Variants in COL22A1 observed in about 807,000 individuals in gnomAD.
COL22A1 encodes the protein collagen type XXII alpha 1 chain.
COL22A1 carries 221 observed loss-of-function variants against 248.9 expected under a neutral mutation model. The observed-to-expected ratio is 0.89, with a 90% CI of 0.80 to 0.99. COL22A1 has a LOEUF of 0.99. Ranked by LOEUF, COL22A1 falls within the 50% of genes least tolerant of loss-of-function variation. The pLI, the probability that COL22A1 is intolerant of heterozygous loss-of-function variation, is 0.00. For missense variants in COL22A1, 2,240 were observed against 2,179.0 expected, an observed-to-expected ratio of 1.03 and a Z score of -0.56; for synonymous variants, 891 against 793.4, an observed-to-expected ratio of 1.12 and a Z score of -2.07.
intron 42 of COL22A1, among the ~76,000 whole-genome samples, chr8:138,662,333 T>C (rs1175821460): frequency 6.6e-6 from 1 of 152,016 alleles, no homozygotes; most frequent in Non-Finnish European, 1.5e-5. Context: ...TTGGACCCCA[T>C]TTGTATAGTT....
In COL22A1 at chr8:138,827,094, C is replaced by G. The variant is rs1819648565; in HGVS notation, c.846-313G>C. ...CCACAGTAAACGCTAAATGGTCACG[C>G]CCCCGGGATCAAATATGGAGAGACA... On this transcript the variant is annotated intron_variant, in intron 5 of 64. Transcript: ENST00000303045. 1.5e-5 allele frequency: 5 copies of G among 335,626 alleles called. No individual in the cohort carries two copies. The Admixed American group carries it at 1.5e-4, about 10-fold the overall frequency. 20.8% of individuals were successfully genotyped at this position (335,626 alleles called of 1,614,324 possible). A position where few individuals can be genotyped will look rare whatever the true frequency, so the allele number is the denominator to read the frequency against.
intron 30 of COL22A1, among the ~76,000 whole-genome samples, chr8:138,708,306 CA>C (rs1387294116): frequency 6.6e-6 from 1 of 152,040 alleles, no homozygotes; most frequent in African/African-American, 2.4e-5. Flanking sequence ...CATAGGGAAC[CA>C]AAAAAGAGCC....
chr8:138,842,192 G>A (rs1250005769), intron 4 of COL22A1, among the ~76,000 whole-genome samples: 1 of 152,182 alleles, frequency 6.6e-6, no homozygotes, highest in Non-Finnish European at 1.5e-5. Context: ...ACTGTAAAAT[G>A]TACAACAGTG....
chr8:138,695,490 C>T (rs1007491038), intron 32 of COL22A1, among the ~76,000 whole-genome samples: 9 of 152,108 alleles, frequency 5.9e-5, no homozygotes, highest in African/African-American at 1.7e-4. Context: ...TCCTCACCAT[C>T]GTGCCTGGCT....
At chr8:138,807,367 A>G (rs1817817258) in intron 10 of COL22A1, among the ~76,000 whole-genome samples, 2 of 152,182 alleles carry the variant, frequency 1.3e-5, no homozygotes, top group Admixed American at 1.3e-4. Context: ...GCAATTAGTG[A>G]ATTTGGAAAT....
chr8:138,615,026 C>T (rs1459985225), intron 55 of COL22A1, among the ~76,000 whole-genome samples: 4 of 152,166 alleles, frequency 2.6e-5, no homozygotes, highest in Admixed American at 6.5e-5. Context: ...TCTGACCAAT[C>T]GGCCAGTTCC....
At chr8:138,895,249 G>A (rs1040758733) in intron 1 of COL22A1, among the ~76,000 whole-genome samples, 1 of 152,010 alleles carries the variant, frequency 6.6e-6, no homozygotes, top group East Asian at 1.9e-4. Context: ...GGCCAGTGTC[G>A]AGGATACAAC....
chr8:138,687,718 C>A (rs1826474153), intron 37 of COL22A1, among the ~76,000 whole-genome samples: 1 of 152,214 alleles, frequency 6.6e-6, no homozygotes, highest in Admixed American at 6.5e-5. Context: ...AATGCGGCAT[C>A]ACCCTCATTT....
intron 12 of COL22A1, among the ~76,000 whole-genome samples, chr8:138,788,505 CA>C (rs1341684504): frequency 6.6e-5 from 10 of 152,134 alleles, no homozygotes; most frequent in African/African-American, 2.4e-4. Context: ...GAGGTACTAT[CA>C]TGATTCTTTG....
At chr8:138,639,781 A>G (rs965577538) in intron 47 of COL22A1, among the ~76,000 whole-genome samples, 12 of 152,264 alleles carry the variant, frequency 7.9e-5, no homozygotes, top group Admixed American at 2.6e-4. Context: ...AAATAGAATC[A>G]GCAAAGAGAT....
chr8:138,614,705 T>C (rs1819173726), intron 55 of COL22A1, among the ~76,000 whole-genome samples: 1 of 152,102 alleles, frequency 6.6e-6, no homozygotes, highest in East Asian at 1.9e-4. Context: ...GCCCTTCAGC[T>C]TCTGAGAAGC....
intron 19 of COL22A1, 88 bp downstream of exon 19, chr8:138,755,697 C>G (rs898138565): frequency 3.1e-5 from 44 of 1,425,238 alleles, no homozygotes; most frequent in Non-Finnish European, 6.9e-6. Context: ...CTTGGAAGAG[C>G]GTTGCCTTAT....
At chr8:138,846,072 T>C (rs1361128431) in intron 3 of COL22A1, among the ~76,000 whole-genome samples, 1 of 152,170 alleles carries the variant, frequency 6.6e-6, no homozygotes, top group African/African-American at 2.4e-5. Flanking sequence ...CCACCAGGTC[T>C]GACAAGCATC....
chr8:138,643,655 T>TAGATAGATAGATAGATAGAC (rs1821932352), intron 47 of COL22A1, among the ~76,000 whole-genome samples: 1 of 109,676 alleles, frequency 9.1e-6, no homozygotes, highest in African/African-American at 3.0e-5. Flanking sequence ...GATAGACAGA[T>TAGATAGATAGATAGATAGAC]AGATAGATAG....
In COL22A1 at chr8:138,760,229, C is replaced by A; in HGVS notation, c.1902+14G>T. ...CCAGGGCACAGAGCCCTTGACAGCC[C>A]CAGGCTCGCTCACCTTTTCTCCCTG... On this transcript the variant is annotated intron_variant, in intron 18 of 64. Transcript: ENST00000303045. 6.4e-7 allele frequency: 1 copy of A among 1,564,704 alleles called. No individual in the cohort carries two copies. Among genetic ancestry groups the A allele is most frequent in the East Asian group, 2.4e-5 (1 of 41,912 alleles).
At chr8:138,656,632 G>T (rs1197703803) in intron 44 of COL22A1, among the ~76,000 whole-genome samples, 1 of 152,072 alleles carries the variant, frequency 6.6e-6, no homozygotes, top group South Asian at 2.1e-4. Flanking sequence ...GAAAATATTT[G>T]GGTGCAAGGA....
At chr8:138,625,233 G>A (rs1207443435) in intron 51 of COL22A1, among the ~76,000 whole-genome samples, 1 of 152,126 alleles carries the variant, frequency 6.6e-6, no homozygotes, top group African/African-American at 2.4e-5. Flanking sequence ...GAAGATCGAA[G>A]GCATCTACTA....
intron 41 of COL22A1, 122 bp from the exon 42 acceptor site, chr8:138,663,862 C>T (rs912274268): frequency 6.8e-6 from 5 of 740,708 alleles, no homozygotes; most frequent in African/African-American, 1.7e-5. Context: ...AACTTCCTCC[C>T]ACCTTGAAGC....
At position 138,689,090 on chromosome 8, in the gene COL22A1, C is replaced by T. The variant is rs372089997; in HGVS notation, c.2809-120G>A. The T allele has an allele frequency of 5.4e-4, 414 of 770,176 alleles. No homozygotes were observed. In the African/African-American group the frequency reaches 6.4e-3, roughly 12 times the overall value. 47.7% of individuals were successfully genotyped at this position (770,176 alleles called of 1,614,324 possible). A position where few individuals can be genotyped will look rare whatever the true frequency, so the allele number is the denominator to read the frequency against. On this transcript the variant is annotated intron_variant, in intron 36 of 64. Coordinates refer to ENST00000303045, the MANE Select transcript of COL22A1 (RefSeq NM_152888.3). ...TGAAGTCAACGACTACAGCTCCCAC[C>T]CAATTCCCATACTTTATTTAAATTC...
Sources: gnomAD v4.1 joint callset for allele counts (sites outside exome capture counted in the v4.1 genomes callset) on GRCh38, gnomAD v4.1.1 for gene constraint, MANE v1.5 for transcripts, NCBI Gene and HGNC (gene_info 2026-07-23, HGNC 2026-07-21) for gene names.